Variants in RABL3 observed in about 807,000 individuals in gnomAD.
The protein encoded by RABL3 is RAB, member of RAS oncogene family like 3.
In RABL3, 31 loss-of-function variants were observed where a neutral mutation model predicts 31.8. The observed-to-expected ratio is 0.97, with a 90% CI of 0.73 to 1.31. The LOEUF (loss-of-function observed/expected upper bound fraction) is 1.31, where lower values mean the gene tolerates loss of function less well. RABL3 is among the 40% of genes most tolerant of loss of function. The pLI, the probability that RABL3 is intolerant of heterozygous loss-of-function variation, is 0.00. For missense variants in RABL3, 263 were observed against 279.6 expected (o/e 0.94, Z 0.42); for synonymous variants, 97 against 99.9 (o/e 0.97, Z 0.18).
In RABL3 at chr3:120,687,003, G is replaced by A. The variant is rs1708315808; in HGVS notation, c.*2820C>T. ...TTCAGGGGAGAAGGGGTAAGGGGAA[G>A]GTATGAGAAACCTTGCTTCTGCAGT... On this transcript the variant is annotated 3_prime_UTR_variant, in exon 8 of 8. Transcript: ENST00000273375. The A allele has an allele frequency of 6.6e-6, 1 of 152,080 alleles. No homozygotes were observed. Among genetic ancestry groups the A allele is most frequent in the Admixed American group, 6.6e-5 (1 of 15,260 alleles). 9.4% of individuals were successfully genotyped at this position (152,080 alleles called of 1,614,324 possible).
intron 2 of RABL3, among the ~76,000 whole-genome samples, chr3:120,718,500 T>C (rs562736039): frequency 6.6e-6 from 1 of 152,352 alleles, no homozygotes; most frequent in East Asian, 1.9e-4. Context: ...AACACTTTGA[T>C]ATCCACTTGG....
rs148262419 is a variant in RABL3 at position 120,730,044 on chromosome 3, A to C, written c.138+652T>G. On this transcript the variant is annotated intron_variant, in intron 2 of 7. Transcript: ENST00000273375. The stretch of plus-strand genomic sequence containing the variant: ...AAAGAAATAATAATTAGTCTTACGG[A>C]AGATTTCTAATCAGCAGCAATGTAA... Among the ~76,000 whole-genome samples, 40 of 152,350 alleles carry C rather than the reference A, an allele frequency of 2.6e-4. 1 individual carries two copies. The East Asian group carries it at 7.1e-3, about 27-fold the overall frequency.
chr3:120,723,890 A>G (rs1343044909), intron 2 of RABL3, among the ~76,000 whole-genome samples: 6 of 152,084 alleles, frequency 3.9e-5, no homozygotes, highest in Non-Finnish European at 8.8e-5. Context: ...AACTGGCACA[A>G]GACAGGGATG....
rs1559814690 is a variant in RABL3 at position 120,706,112 on chromosome 3, T to C, written c.271A>G (p.Ile91Val). The C allele has an allele frequency of 1.3e-6, 2 of 1,573,674 alleles. No homozygotes were observed. Among genetic ancestry groups the C allele is most frequent in the Non-Finnish European group, 1.7e-6 (2 of 1,143,390 alleles). The change falls in exon 4 of 8, where the codon ATT becomes GTT. Residue 91 changes from isoleucine to valine, a missense_variant and splice_region_variant. Coordinates refer to ENST00000273375, the MANE Select transcript of RABL3 (RefSeq NM_173825.5). ...RAVFYNSVNG[I>V]IFVHDLTNKK... ...TTTGTTAAGTCGTGTACGAAAATAA[T>C]ACCTAAAATAATCAGAGAAAACAAT...
At chr3:120,727,117 AAAG>A (rs1708831128) in intron 2 of RABL3, among the ~76,000 whole-genome samples, 3 of 152,170 alleles carry the variant, frequency 2.0e-5, no homozygotes, top group Admixed American at 2.0e-4. Context: ...AACAAGTTAG[AAAG>A]AAGACACTAA....
intron 2 of RABL3, among the ~76,000 whole-genome samples, chr3:120,722,881 A>G (rs1317010053): frequency 6.6e-6 from 1 of 152,166 alleles, no homozygotes; most frequent in Non-Finnish European, 1.5e-5. Flanking sequence ...CATCACAATT[A>G]AAAGAACTAG....
In RABL3 at chr3:120,685,786, A is replaced by G. The variant is rs1481792851; in HGVS notation, c.*4037T>C. On this transcript the variant is annotated 3_prime_UTR_variant, in exon 8 of 8. Coordinates refer to ENST00000273375, the MANE Select transcript of RABL3 (RefSeq NM_173825.5). ...TGATGAGTTTATTTGTCTTTCTTAA[A>G]GGCTAGATCCTGACTTATCTGCATG... Among the ~76,000 whole-genome samples the G allele has an allele frequency of 6.6e-6, 1 of 152,204 alleles. No individual in the cohort carries two copies. The highest frequency in any genetic ancestry group is 1.5e-5 in the Non-Finnish European group (1 of 68,022).
At position 120,685,764 on chromosome 3, in the gene RABL3, T is replaced by G. The variant is rs530912045; in HGVS notation, c.*4059A>C. On this transcript the variant is annotated 3_prime_UTR_variant, in exon 8 of 8. Transcript: ENST00000273375. ...ACAATCTATATTCCCTACTTTTTGATGAGTTTATTTGTCTTTCTTAAAGGC... is the reference window on the plus strand; with the variant it reads ...ACAATCTATATTCCCTACTTTTTGAGGAGTTTATTTGTCTTTCTTAAAGGC... Among the ~76,000 whole-genome samples the G allele has an allele frequency of 6.6e-6, 1 of 152,328 alleles. No homozygotes were observed. Among genetic ancestry groups the G allele is most frequent in the South Asian group, 2.1e-4 (1 of 4,832 alleles).
Position 120,689,723 on chromosome 3 carries a change from T to G in RABL3, c.*100A>C, listed in dbSNP as rs1028579198. The stretch of plus-strand genomic sequence containing the variant: ...AAGGCTGAAGGGTAGCATTTTAAGA[T>G]GATTTTGTTAAAAGGCTGTGATGGT... On this transcript the variant is annotated 3_prime_UTR_variant, in exon 8 of 8. Transcript: ENST00000273375. The G allele has an allele frequency of 3.6e-6, 3 of 830,286 alleles. No homozygotes were observed. Among genetic ancestry groups the G allele is most frequent in the African/African-American group, 3.4e-5 (2 of 59,028 alleles). 51.4% of individuals were successfully genotyped at this position (830,286 alleles called of 1,614,324 possible). A position where few individuals can be genotyped will look rare whatever the true frequency, so the allele number is the denominator to read the frequency against.
chr3:120,724,966 A>C (rs1447638489), intron 2 of RABL3, among the ~76,000 whole-genome samples: 2 of 152,092 alleles, frequency 1.3e-5, no homozygotes, highest in Non-Finnish European at 2.9e-5. Context: ...TAATTAAACT[A>C]AAGAGCTTCT....
rs576484840 is a variant in RABL3, at chr3:120,716,989, A to G, written c.139-7080T>C. ...AAGACATGGCCAGGCATGGTGGCTCACTCCTGTAATCCCAGCACGTTGGGA... is the reference window on the plus strand; with the variant it reads ...AAGACATGGCCAGGCATGGTGGCTCGCTCCTGTAATCCCAGCACGTTGGGA... On this transcript the variant is annotated intron_variant, in intron 2 of 7. Transcript: ENST00000273375. 1.1e-4 allele frequency among the ~76,000 whole-genome samples: 16 copies of G among 152,232 alleles called. No homozygotes were observed. The South Asian group carries it at 3.1e-3, about 30-fold the overall frequency.
Position 120,709,873 on chromosome 3 carries a change from T to C in RABL3, c.175A>G (p.Thr59Ala), listed in dbSNP as rs1708593448. ...ACATCCCATAATTCTATGTAGTAGG[T>C]CTTCTCTTCTGGGGTTCCTTCTTTG... ...DYKEGTPEEK[T>A]YYIELWDVGG... Residue 59 changes from threonine to alanine, a missense_variant, in exon 3 of 8, where the codon ACC (threonine) becomes GCC (alanine). Physicochemically the swap from Thr to Ala is moderately conservative, Grantham distance 58. Transcript: ENST00000273375. The C allele has an allele frequency of 6.2e-7, 1 of 1,608,064 alleles. No individual in the cohort carries two copies.
intron 1 of RABL3, among the ~76,000 whole-genome samples, chr3:120,731,818 G>A (rs1708886921): frequency 6.6e-6 from 1 of 152,178 alleles, no homozygotes; most frequent in Non-Finnish European, 1.5e-5. Context: ...TTGGGAGGCT[G>A]AGGCAGGAGG....
rs879087967 is a variant in RABL3 at position 120,689,661 on chromosome 3, C to T, written c.*162G>A. ...GAACAGGGACAAAGTTTGGACCTCC[C>T]GTATTGTCACTTCCTTTCATTTTTC... On this transcript the variant is annotated 3_prime_UTR_variant, in exon 8 of 8. Coordinates refer to ENST00000273375, the MANE Select transcript of RABL3 (RefSeq NM_173825.5). 14 of 577,356 alleles carry T rather than the reference C, an allele frequency of 2.4e-5. No individual in the cohort carries two copies. The highest frequency in any genetic ancestry group is 1.2e-4 in the South Asian group (5 of 42,466). The allele number at this position is 577,356 out of a possible 1,614,324, so 35.8% of individuals were successfully genotyped here.
At chr3:120,728,148 G>T (rs1341641158) in intron 2 of RABL3, among the ~76,000 whole-genome samples, 1 of 152,100 alleles carries the variant, frequency 6.6e-6, no homozygotes, top group Non-Finnish European at 1.5e-5. Flanking sequence ...GGCACTGGGT[G>T]GGGATAGGAA....
chr3:120,732,058 A>C (rs541276133), intron 1 of RABL3, among the ~76,000 whole-genome samples: 1 of 152,162 alleles, frequency 6.6e-6, no homozygotes, highest in Non-Finnish European at 1.5e-5. Flanking sequence ...GACACTGTCT[A>C]CAAAAAAAAA....
chr3:120,698,756 A>C (rs1240463564), intron 4 of RABL3, among the ~76,000 whole-genome samples, 183 bp from the exon 5 acceptor site: 1 of 152,152 alleles, frequency 6.6e-6, no homozygotes, highest in African/African-American at 2.4e-5. Flanking sequence ...ATCCATCCTC[A>C]TCATCAGATT....
At chr3:120,716,007 T>C (rs751214728) in intron 2 of RABL3, among the ~76,000 whole-genome samples, 11 of 152,232 alleles carry the variant, frequency 7.2e-5, no homozygotes, top group East Asian at 1.9e-4. Context: ...CAATAAAAAG[T>C]GTCCCACCTC....
chr3:120,736,251 A>G (rs971780272), intron 1 of RABL3, among the ~76,000 whole-genome samples: 1 of 152,222 alleles, frequency 6.6e-6, no homozygotes, highest in African/African-American at 2.4e-5. Flanking sequence ...ATATATGTTT[A>G]GGATAGTTAG....
Sources: allele counts gnomAD v4.1 joint callset (sites outside exome capture counted in the v4.1 genomes callset), GRCh38; gene constraint gnomAD v4.1.1; transcripts MANE v1.5; gene names NCBI Gene and HGNC (gene_info 2026-07-23, HGNC 2026-07-21).